Variants in STOX1 observed in about 807,000 individuals in gnomAD.
STOX1 encodes the protein storkhead box 1.
In STOX1, 57 loss-of-function variants were observed where a neutral mutation model predicts 74.8. That is an observed-to-expected ratio of 0.76 (90% CI 0.62 to 0.95). STOX1 has a LOEUF of 0.95. Ranked by LOEUF, STOX1 falls within the 40% of genes least tolerant of loss-of-function variation. The pLI is 0.00. For synonymous variants in STOX1, 375 were observed against 401.3 expected, an observed-to-expected ratio of 0.93 and a Z score of 0.78; for missense variants, 1,010 against 1,117.0, an observed-to-expected ratio of 0.90 and a Z score of 1.37.
chr10:68,851,247 G>A (rs1839975438), intron 1 of STOX1, among the ~76,000 whole-genome samples: 1 of 149,874 alleles, frequency 6.7e-6, no homozygotes, highest in Non-Finnish European at 1.5e-5. Flanking sequence ...AGGTTGCAGT[G>A]AGCTGTCATT....
intron 1 of STOX1, among the ~76,000 whole-genome samples, chr10:68,839,497 G>GA (rs61230652): frequency 0.26 from 39,814 of 152,004 alleles, 5,765 homozygotes; most frequent in East Asian, 0.42. Flanking sequence ...AAATGACTTT[G>GA]GAAAGAAAAA....
chr10:68,882,203 C>T (rs1405266940), intron 2 of STOX1, 93 bp downstream of exon 2: 12 of 1,232,938 alleles, frequency 9.7e-6, no homozygotes, highest in Middle Eastern at 2.1e-4. Flanking sequence ...GGGTGATATC[C>T]TTTTTTCCCC....
At chr10:68,882,352 ACT>A (rs1840830905) in intron 2 of STOX1, among the ~76,000 whole-genome samples, 1 of 152,060 alleles carries the variant, frequency 6.6e-6, no homozygotes. Context: ...AATAAATCAC[ACT>A]CTGTGGAAAG....
downstream of STOX1, among the ~76,000 whole-genome samples, chr10:68,894,979 C>T (rs570076185): frequency 6.6e-6 from 1 of 152,318 alleles, no homozygotes; most frequent in African/African-American, 2.4e-5. Flanking sequence ...CCACCTGGGC[C>T]TCCCAAAGTG....
At chr10:68,832,968 CTA>C (rs1263552834) in intron 1 of STOX1, among the ~76,000 whole-genome samples, 1 of 151,696 alleles carries the variant, frequency 6.6e-6, no homozygotes, top group African/African-American at 2.4e-5. Flanking sequence ...GTCTTGCTCG[CTA>C]TGTTATCCAT....
chr10:68,889,955 TA>T (rs1356702474), intron 3 of STOX1, among the ~76,000 whole-genome samples: 1 of 150,806 alleles, frequency 6.6e-6, no homozygotes, highest in Non-Finnish European at 1.5e-5. Flanking sequence ...TGTGTGTGTG[TA>T]TTTTTTTTTT....
At chr10:68,880,164 CT>C (rs71028800) in intron 1 of STOX1, among the ~76,000 whole-genome samples, 70,124 of 123,566 alleles carry the variant, frequency 0.57, 18,666 homozygotes, top group East Asian at 0.79. Flanking sequence ...TCTTTCTTTC[CT>C]TTTTTTTTTT....
At chr10:68,872,346 T>TC (rs201345519) in intron 1 of STOX1, among the ~76,000 whole-genome samples, 3 of 121,354 alleles carry the variant, frequency 2.5e-5, no homozygotes, top group Admixed American at 9.3e-5. Flanking sequence ...TCTTTTCTTT[T>TC]TTTTTTTTTT....
chr10:68,884,359 C>T lies in STOX1; in HGVS notation c.563C>T (p.Thr188Ile). 6.2e-7 allele frequency: 1 copy of T among 1,614,098 alleles called. No individual in the cohort carries two copies. The highest frequency in any genetic ancestry group is 2.2e-5 in the East Asian group (1 of 44,884). Residue 188 changes from threonine to isoleucine, a missense_variant, in exon 3 of 4, where the codon ACT becomes ATT. Transcript: ENST00000298596. ...YHTGEGYFIV[T>I]PQTYFITNTT... ...ACTGGAGAAGGATACTTCATAGTTA[C>T]TCCTCAGACTTACTTCATTACAAAT...
rs763974347 is a variant in STOX1 at position 68,886,407 on chromosome 10, C to T, written c.2611C>T (p.Gln871Ter). 1.2e-6 allele frequency: 2 copies of T among 1,614,200 alleles called. No individual in the cohort carries two copies. Among genetic ancestry groups the T allele is most frequent in the Non-Finnish European group, 8.5e-7 (1 of 1,180,034 alleles). The change falls in exon 3 of 4, where the codon CAA (glutamine) becomes TAA (stop). Residue 871 changes from glutamine to a stop codon, truncating the protein, a stop_gained. Transcript: ENST00000298596. LOFTEE classifies it high-confidence loss of function. Reference protein sequence around the residue: ...RKASFEAEVIQDTIGDTGKKP... With the variant: ...RKASFEAEVI The stretch of plus-strand genomic sequence containing the variant: ...AGCCAGTTTTGAAGCTGAAGTCATA[C>T]AAGACACTATTGGTGACACAGGAAA...
intron 1 of STOX1, among the ~76,000 whole-genome samples, chr10:68,837,999 T>G (rs1261507482): frequency 1.3e-5 from 2 of 152,242 alleles, no homozygotes; most frequent in Non-Finnish European, 2.9e-5. Context: ...GTTAAGTTTA[T>G]TCCTAAGTAT....
At chr10:68,895,019 T>A (rs1841167501), downstream of STOX1, among the ~76,000 whole-genome samples, 1 of 152,220 alleles carries the variant, frequency 6.6e-6, no homozygotes, top group Non-Finnish European at 1.5e-5. Flanking sequence ...CCACTGTGCC[T>A]GGCAGAATTT....
At chr10:68,873,560 C>CTT (rs5785876) in intron 1 of STOX1, among the ~76,000 whole-genome samples, 7,545 of 102,116 alleles carry the variant, frequency 0.074, 400 homozygotes, top group Non-Finnish European at 0.089. Context: ...CGCGCCTGGC[C>CTT]TTTTTTTTTT....
At chr10:68,883,174 G>A (rs1264244736) in intron 2 of STOX1, among the ~76,000 whole-genome samples, 1 of 147,660 alleles carries the variant, frequency 6.8e-6, no homozygotes, top group African/African-American at 2.5e-5. Flanking sequence ...TCAAGAGATT[G>A]ACAACATCCT....
intron 1 of STOX1, among the ~76,000 whole-genome samples, chr10:68,878,163 G>C (rs902150984): frequency 3.3e-5 from 5 of 152,162 alleles, no homozygotes; most frequent in African/African-American, 7.2e-5. Flanking sequence ...AGGGAAGAGA[G>C]ATATAAAAGC....
intron 1 of STOX1, among the ~76,000 whole-genome samples, chr10:68,845,411 C>G (rs1284759708): frequency 6.7e-6 from 1 of 149,144 alleles, no homozygotes; most frequent in Non-Finnish European, 1.5e-5. Flanking sequence ...GTAGCTGGGA[C>G]TACAGGCGCC....
Position 68,885,719 on chromosome 10 carries a change from G to A in STOX1, c.1923G>A (p.Leu641=). ...LGETKQTPHS[L]PSRGASFSDR... ...AGACCAAACAGACTCCGCATAGTCT[G>A]CCATCACGAGGTGCCTCCTTTTCAG... The change falls in exon 3 of 4, where the codon CTG becomes CTA. Residue 641 remains leucine (L), a synonymous_variant. Transcript: ENST00000298596. 1 of 1,614,098 alleles carries A rather than the reference G, an allele frequency of 6.2e-7. No individual in the cohort carries two copies. Among genetic ancestry groups the A allele is most frequent in the Non-Finnish European group, 8.5e-7 (1 of 1,180,016 alleles).
At chr10:68,853,660 T>G (rs1840045413) in intron 1 of STOX1, among the ~76,000 whole-genome samples, 1 of 152,014 alleles carries the variant, frequency 6.6e-6, no homozygotes, top group Non-Finnish European at 1.5e-5. Flanking sequence ...CATACCACCT[T>G]TCTTACCTTT....
chr10:68,828,588 G>A (rs990073496), intron 1 of STOX1, among the ~76,000 whole-genome samples: 6 of 152,228 alleles, frequency 3.9e-5, no homozygotes, highest in African/African-American at 1.4e-4. Flanking sequence ...GTGATGCTCT[G>A]GATAGAGAGG....
Sources: gnomAD v4.1 joint callset for allele counts (sites outside exome capture counted in the v4.1 genomes callset) on GRCh38, gnomAD v4.1.1 for gene constraint, MANE v1.5 for transcripts, NCBI Gene and HGNC (gene_info 2026-07-23, HGNC 2026-07-21) for gene names.